The following PPIG variants were observed in gnomAD, a reference collection of about 807,000 sequenced individuals.
PPIG encodes peptidyl-prolyl cis-trans isomerase G.
PPIG carries 26 observed loss-of-function variants against 87.9 expected under a neutral mutation model. That is an observed-to-expected ratio of 0.30 (90% confidence interval 0.22 to 0.41). The LOEUF is 0.41. PPIG is among the 10% of genes least tolerant of loss of function. The pLI is 1.00. For missense variants in PPIG, 722 were observed against 879.4 expected (o/e 0.82, Z 2.26); for synonymous variants, 308 against 276.5 (o/e 1.11, Z -1.13).
chr2:169,637,986 G>A lies in PPIG; in HGVS notation c.*463G>A, dbSNP rs1686227601. ...TGCAGCGGTTTCTTTTAATTACACA[G>A]AAGCAGGGTCCTAATAACCTGAGAT... On this transcript the variant is annotated 3_prime_UTR_variant, in exon 14 of 14. Transcript: ENST00000260970. The A allele has an allele frequency of 6.6e-6, 1 of 152,358 alleles. No individual in the cohort carries two copies. The highest frequency in any genetic ancestry group is 6.6e-5 in the Admixed American group (1 of 15,254). The allele number at this position is 152,358 out of a possible 1,614,324, so 9.4% of individuals were successfully genotyped here.
intron 4 of PPIG, 26 bp downstream of exon 4, chr2:169,604,287 A>G (rs761424108): frequency 6.0e-6 from 9 of 1,499,234 alleles, no homozygotes; most frequent in Non-Finnish European, 8.3e-6. Context: ...CAACTGCCCT[A>G]ATAGTAGTCT....
chr2:169,622,809 A>T (rs961568388), intron 9 of PPIG, among the ~76,000 whole-genome samples: 1 of 152,224 alleles, frequency 6.6e-6, no homozygotes, highest in Non-Finnish European at 1.5e-5. Flanking sequence ...AAGCAGAGCT[A>T]TATCTTACAT....
At chr2:169,597,502 CTTTT>C (rs55683230) in intron 1 of PPIG, among the ~76,000 whole-genome samples, 1 of 132,338 alleles carries the variant, frequency 7.6e-6, no homozygotes, top group Non-Finnish European at 1.6e-5. Context: ...CTTTTCTTTT[CTTTT>C]TTTTTTTTTT....
intron 9 of PPIG, 92 bp downstream of exon 9, chr2:169,614,816 T>A: frequency 7.3e-7 from 1 of 1,378,178 alleles, no homozygotes; most frequent in Non-Finnish European, 9.7e-7. Context: ...ATACTCAAGC[T>A]GAAAGAAAAA....
chr2:169,631,527 T>C (rs1259561207), intron 10 of PPIG: 1 of 1,228,256 alleles, frequency 8.1e-7, no homozygotes, highest in Non-Finnish European at 1.0e-6. Flanking sequence ...TTTTTATCCA[T>C]TTTGTAGGAA....
At chr2:169,631,342 T>TAGA (rs1168825976) in intron 10 of PPIG, 1 of 281,130 alleles carries the variant, frequency 3.6e-6, no homozygotes, top group Non-Finnish European at 6.5e-6. Flanking sequence ...AGCATAAGGA[T>TAGA]AGAAAGCAGA....
chr2:169,584,789 C>G, intron 1 of PPIG: 1 of 297,112 alleles, frequency 3.4e-6, no homozygotes, highest in Non-Finnish European at 6.5e-6. Context: ...CCCTCACTGA[C>G]GCATTTTGCC....
At chr2:169,591,312 G>A (rs1574433992) in intron 1 of PPIG, among the ~76,000 whole-genome samples, 1 of 152,026 alleles carries the variant, frequency 6.6e-6, no homozygotes, top group African/African-American at 2.4e-5. Flanking sequence ...TATGAAATGT[G>A]TTTGTTGCAG....
intron 1 of PPIG, among the ~76,000 whole-genome samples, chr2:169,587,845 A>G (rs1382936940): frequency 2.0e-5 from 3 of 152,214 alleles, no homozygotes; most frequent in Non-Finnish European, 4.4e-5. Flanking sequence ...CTTTTATATT[A>G]AAATGATTAT....
At chr2:169,608,618 A>T (rs1379125294) in intron 6 of PPIG, 53 bp from the exon 7 acceptor site, 1 of 1,223,964 alleles carries the variant, frequency 8.2e-7, no homozygotes, top group African/African-American at 1.5e-5. Context: ...TGAAGATGAA[A>T]TTTTTTTGGA....
chr2:169,606,591 C>CAAAAAAAAAAAAAAAAAAA (rs71006009), intron 5 of PPIG, among the ~76,000 whole-genome samples: 34 of 85,012 alleles, frequency 4.0e-4, no homozygotes, highest in Non-Finnish European at 4.2e-4. Flanking sequence ...GACTCTGTCT[C>CAAAAAAAAAAAAAAAAAAA]AAAAAAAAAA....
intron 13 of PPIG, 33 bp downstream of exon 13, chr2:169,636,261 T>C (rs141523611): frequency 4.4e-5 from 68 of 1,543,988 alleles, no homozygotes; most frequent in African/African-American, 1.1e-4. Context: ...TCAAATGTAA[T>C]GATAAGTGTT....
At position 169,637,484 on chromosome 2, in the gene PPIG, T is replaced by C. The variant is rs1332031227; in HGVS notation, c.2226T>C (p.His742=). The C allele has an allele frequency of 3.1e-6, 5 of 1,603,088 alleles. No homozygotes were observed. Among genetic ancestry groups the C allele is most frequent in the Non-Finnish European group, 2.5e-6 (3 of 1,177,598 alleles). The change falls in exon 14 of 14, where the codon CAT becomes CAC. Residue 742 remains histidine (H), a synonymous_variant. Coordinates refer to ENST00000260970, the MANE Select transcript of PPIG (RefSeq NM_004792.3). Reference sequence around the variant, plus strand: ...ATGAAAAAAATAAAAAATTTGATCATGAATCAAGCCCTGGAACAGATGAAG... The same window carrying C: ...ATGAAAAAAATAAAAAATTTGATCACGAATCAAGCCCTGGAACAGATGAAG... ...HVHEKNKKFD[H]ESSPGTDEDK...
In PPIG at chr2:169,640,446, TTAG is replaced by T. The variant is rs1226349282; in HGVS notation, c.*2928_*2930del. ...TATATGTAGCAAGTTAGTATGTTTG[TTAG>T]TAGTTTATTGTACTTCATTCCAGTT... On this transcript the variant is annotated 3_prime_UTR_variant, in exon 14 of 14. Coordinates refer to ENST00000260970, the MANE Select transcript of PPIG (RefSeq NM_004792.3). 2 of 152,190 alleles carry T rather than the reference TTAG, an allele frequency of 1.3e-5. No homozygotes were observed. Among genetic ancestry groups the T allele is most frequent in the East Asian group, 1.9e-4 (1 of 5,202 alleles). The allele number at this position is 152,190 out of a possible 1,614,324, so 9.4% of individuals were successfully genotyped here. A position where few individuals can be genotyped will look rare whatever the true frequency, so the allele number is the denominator to read the frequency against.
intron 7 of PPIG, among the ~76,000 whole-genome samples, chr2:169,610,417 G>A (rs1181538747): frequency 1.3e-5 from 2 of 152,016 alleles, no homozygotes; most frequent in African/African-American, 4.8e-5. Flanking sequence ...CACTCAAAAT[G>A]TGTTAGGTTT....
At position 169,584,452 on chromosome 2, in the gene PPIG, G is replaced by A. The variant is rs548557183; in HGVS notation, c.-108G>A. The A allele has an allele frequency of 7.3e-4, 345 of 471,080 alleles. No homozygotes were observed. Among genetic ancestry groups the A allele is most frequent in the Non-Finnish European group, 1.2e-3 (283 of 227,042 alleles). 29.2% of individuals were successfully genotyped at this position (471,080 alleles called of 1,614,324 possible). A position where few individuals can be genotyped will look rare whatever the true frequency, so the allele number is the denominator to read the frequency against. On this transcript the variant is annotated 5_prime_UTR_variant, in exon 1 of 14. Transcript: ENST00000260970. The stretch of plus-strand genomic sequence containing the variant: ...GGCGGTAGATTTGAAGCGCTTCAAA[G>A]GACCGGACCCAGAGAAGAGGAAAAC...
At chr2:169,593,186 AT>A (rs1301175257) in intron 1 of PPIG, among the ~76,000 whole-genome samples, 1 of 151,364 alleles carries the variant, frequency 6.6e-6, no homozygotes, top group Non-Finnish European at 1.5e-5. Context: ...TTTATTATTT[AT>A]TTTATTTATT....
intron 9 of PPIG, among the ~76,000 whole-genome samples, chr2:169,616,891 T>A (rs983568258): frequency 6.6e-6 from 1 of 152,126 alleles, no homozygotes; most frequent in African/African-American, 2.4e-5. Flanking sequence ...GTTGCCATTG[T>A]TTTTGGTGTT....
chr2:169,616,436 A>G (rs1306950535), intron 9 of PPIG, among the ~76,000 whole-genome samples: 1 of 152,184 alleles, frequency 6.6e-6, no homozygotes, highest in African/African-American at 2.4e-5. Context: ...GTCTTCTACA[A>G]TGGTTGAACT....
Sources: gnomAD v4.1 joint callset for allele counts (sites outside exome capture counted in the v4.1 genomes callset) on GRCh38, gnomAD v4.1.1 for gene constraint, MANE v1.5 for transcripts, NCBI Gene and HGNC (gene_info 2026-07-23, HGNC 2026-07-21) for gene names.